Variants in NKAIN1 observed in about 807,000 individuals in gnomAD.
The protein encoded by NKAIN1 is sodium/potassium transporting ATPase interacting 1, also known as sodium/potassium-transporting ATPase subunit beta-1-interacting protein 1.
NKAIN1 carries 13 observed loss-of-function variants against 31.6 expected under a neutral mutation model. The ratio of observed to expected loss-of-function variants is 0.41; its 90% CI spans 0.27 to 0.65. The LOEUF is 0.65. Among genes scored for constraint, NKAIN1 ranks in the 30% least tolerant of loss-of-function variants. NKAIN1 has a pLI of 0.30. For missense variants in NKAIN1, 193 were observed against 262.2 expected (o/e 0.74, Z 1.82); for synonymous variants, 104 against 109.0 (o/e 0.95, Z 0.28).
intron 1 of NKAIN1, among the ~76,000 whole-genome samples, chr1:31,208,955 G>T (rs12127820): frequency 1.3e-5 from 2 of 152,190 alleles, no homozygotes; most frequent in African/African-American, 4.8e-5. Context: ...TCACCTCCCA[G>T]GGGGTGGGAG....
chr1:31,184,811 C>A (rs1276004910), intron 3 of NKAIN1, among the ~76,000 whole-genome samples: 2 of 152,184 alleles, frequency 1.3e-5, no homozygotes, highest in Non-Finnish European at 2.9e-5. Context: ...CTTCCCTGAA[C>A]AAACTCTAAC....
Position 31,184,033 on chromosome 1 carries a change from G to T in NKAIN1, c.274-19C>A, listed in dbSNP as rs369864641. Reference sequence around the variant, plus strand: ...CCCGGTCCTGGGGGCAAAGGGGCCTGGGATACTGAGTGTGAGGGAGAGGGA... The same window carrying T: ...CCCGGTCCTGGGGGCAAAGGGGCCTTGGATACTGAGTGTGAGGGAGAGGGA... On this transcript the variant is annotated intron_variant, in intron 3 of 6. Transcript: ENST00000373736. 1 of 1,609,858 alleles carries T rather than the reference G, an allele frequency of 6.2e-7. No homozygotes were observed. The highest frequency in any genetic ancestry group is 1.3e-5 in the African/African-American group (1 of 74,944).
chr1:31,201,712 G>C (rs902108949), intron 1 of NKAIN1, among the ~76,000 whole-genome samples: 28 of 152,154 alleles, frequency 1.8e-4, no homozygotes, highest in Admixed American at 1.3e-4. Context: ...GCAGTGGCAG[G>C]CTTGCCTAAG....
At chr1:31,193,677 A>T (rs181490951) in intron 1 of NKAIN1, 16 of 152,180 alleles carry the variant, frequency 1.1e-4, no homozygotes, top group African/African-American at 3.6e-4. Context: ...GCCTGGGTGA[A>T]AGTGCGAAAT....
At chr1:31,229,910 G>A (rs1645633078) in intron 1 of NKAIN1, among the ~76,000 whole-genome samples, 1 of 152,182 alleles carries the variant, frequency 6.6e-6, no homozygotes, top group Non-Finnish European at 1.5e-5. Flanking sequence ...GGCCCAAAGA[G>A]GCCACGCCTT....
Position 31,185,248 on chromosome 1 carries a change from TG to T in NKAIN1, c.271del (p.Gln91ArgfsTer7). 6.2e-7 allele frequency: 1 copy of T among 1,606,926 alleles called. No homozygotes were observed. The highest frequency in any genetic ancestry group is 8.5e-7 in the Non-Finnish European group (1 of 1,176,350). Reference sequence around the variant, plus strand: ...GGCACTGCCAGGTCTGAGGCTTACCTGGGACAGCTGTCCAACCTCCAAGTAG... The same window carrying T: ...GGCACTGCCAGGTCTGAGGCTTACCTGGACAGCTGTCCAACCTCCAAGTAG... ...CFYLEVGQLS[Q>X]DRDFIMTFNT... On this transcript the variant is annotated frameshift_variant and splice_region_variant, in exon 3 of 7. Coordinates refer to ENST00000373736, the MANE Select transcript of NKAIN1 (RefSeq NM_024522.3). LOFTEE classifies it high-confidence loss of function.
intron 1 of NKAIN1, among the ~76,000 whole-genome samples, chr1:31,230,888 T>C (rs1375431844): frequency 6.7e-6 from 1 of 148,672 alleles, no homozygotes; most frequent in Non-Finnish European, 1.5e-5. Context: ...ATTTTTTTTT[T>C]TTTTTTTTTT....
At position 31,179,806 on chromosome 1, in the gene NKAIN1, T is replaced by C. The variant is rs928407630; in HGVS notation, c.*1897A>G. On this transcript the variant is annotated 3_prime_UTR_variant, in exon 7 of 7. Transcript: ENST00000373736. ...CACAGAAACCAGGAGAGCACTCCCCTCCTTGCAAGGTCCCAGTGAAAAGAG... is the reference window on the plus strand; with the variant it reads ...CACAGAAACCAGGAGAGCACTCCCCCCCTTGCAAGGTCCCAGTGAAAAGAG... The C allele has an allele frequency of 1.3e-5, 2 of 152,162 alleles. No individual in the cohort carries two copies. Among genetic ancestry groups the C allele is most frequent in the Non-Finnish European group, 2.9e-5 (2 of 68,046 alleles). 9.4% of individuals were successfully genotyped at this position (152,162 alleles called of 1,614,324 possible).
intron 1 of NKAIN1, among the ~76,000 whole-genome samples, chr1:31,207,628 CA>C (rs1365211324): frequency 2.6e-5 from 4 of 152,124 alleles, no homozygotes; most frequent in African/African-American, 9.7e-5. Context: ...GCCCATGAAG[CA>C]TTCATGGGCA....
At chr1:31,185,354 G>T (rs1366104324) in intron 2 of NKAIN1, 27 bp from the exon 3 acceptor site, 1 of 1,579,908 alleles carries the variant, frequency 6.3e-7, no homozygotes, top group African/African-American at 1.3e-5. Flanking sequence ...TGGGATCAGG[G>T]TGGGGCCTGG....
chr1:31,206,078 T>TA (rs2148357341), intron 1 of NKAIN1, among the ~76,000 whole-genome samples: 1 of 149,184 alleles, frequency 6.7e-6, no homozygotes, highest in African/African-American at 2.4e-5. Flanking sequence ...CTACTAAAAA[T>TA]ACAAAAATTA....
At chr1:31,226,256 G>C (rs533896228) in intron 1 of NKAIN1, among the ~76,000 whole-genome samples, 2 of 152,264 alleles carry the variant, frequency 1.3e-5, no homozygotes, top group East Asian at 3.9e-4. Flanking sequence ...GTGTCCCCAG[G>C]GGCTGGCACA....
Position 31,235,317 on chromosome 1 carries a change from G to GTTACATATTAACATGTTACA in NKAIN1, c.54+4176_54+4177insTGTAACATGTTAATATGTAA, listed in dbSNP as rs1557665302. Among the ~76,000 whole-genome samples the GTTACATATTAACATGTTACA allele has an allele frequency of 5.9e-3, 904 of 152,160 alleles. 72 individuals are homozygous for GTTACATATTAACATGTTACA. In the East Asian group the frequency reaches 0.15, roughly 25 times the overall value. ...GGCACGGGATTAAAAATTAGAGGGT[G>GTTACATATTAACATGTTACA]AATATGTTAATAATGTTGTCAAAAT... On this transcript the variant is annotated intron_variant, in intron 1 of 6. Coordinates refer to ENST00000373736, the MANE Select transcript of NKAIN1 (RefSeq NM_024522.3).
intron 4 of NKAIN1, among the ~76,000 whole-genome samples, chr1:31,183,542 G>T (rs1261746782): frequency 6.9e-6 from 1 of 145,904 alleles, no homozygotes; most frequent in African/African-American, 2.6e-5. Flanking sequence ...TCCACCTCCT[G>T]GGTTCAAGCA....
At chr1:31,190,680 G>C (rs1310625750) in intron 1 of NKAIN1, among the ~76,000 whole-genome samples, 1 of 152,168 alleles carries the variant, frequency 6.6e-6, no homozygotes, top group Non-Finnish European at 1.5e-5. Flanking sequence ...CACTGGACTA[G>C]GTAATCTCCA....
At chr1:31,229,577 C>T (rs957463119) in intron 1 of NKAIN1, among the ~76,000 whole-genome samples, 3 of 151,960 alleles carry the variant, frequency 2.0e-5, no homozygotes, top group Admixed American at 1.3e-4. Flanking sequence ...CGGAGTTTCG[C>T]TCTTGTTACC....
In NKAIN1 at chr1:31,188,315, A is replaced by C. The variant is rs1645260714; in HGVS notation, c.55-128T>G. On this transcript the variant is annotated intron_variant, in intron 1 of 6. Transcript: ENST00000373736. Reference sequence around the variant, plus strand: ...TGAGGCATAAGCCTCAGAACAATCCAGTCCTTCACTACCAAAGGGATGCTG... The same window carrying C: ...TGAGGCATAAGCCTCAGAACAATCCCGTCCTTCACTACCAAAGGGATGCTG... 5.0e-6 allele frequency: 5 copies of C among 992,472 alleles called. No homozygotes were observed. The South Asian group carries it at 8.3e-5, about 17-fold the overall frequency. 61.5% of individuals were successfully genotyped at this position (992,472 alleles called of 1,614,324 possible).
At chr1:31,199,467 C>T (rs987945470) in intron 1 of NKAIN1, among the ~76,000 whole-genome samples, 5 of 152,118 alleles carry the variant, frequency 3.3e-5, no homozygotes, top group Non-Finnish European at 7.4e-5. Flanking sequence ...AAATTAAACT[C>T]GACTCAACCC....
chr1:31,207,045 G>C (rs148606504), intron 1 of NKAIN1, among the ~76,000 whole-genome samples: 62 of 152,222 alleles, frequency 4.1e-4, no homozygotes, highest in Non-Finnish European at 7.5e-4. Context: ...GGCTGTATGT[G>C]CTTTTTAAAC....
Sources: gnomAD v4.1 joint callset for allele counts (sites outside exome capture counted in the v4.1 genomes callset) on GRCh38, gnomAD v4.1.1 for gene constraint, MANE v1.5 for transcripts, NCBI Gene and HGNC (gene_info 2026-07-23, HGNC 2026-07-21) for gene names.